DTWD2: variants seen among roughly 807,000 people sequenced by gnomAD.
DTWD2 encodes DTW motif tRNA-uridine aminocarboxypropyltransferase 2.
Under a neutral mutation model 31.8 loss-of-function variants are expected in DTWD2, and 39 were observed. The observed-to-expected ratio is 1.22, with a 90% CI of 0.95 to 1.60. The LOEUF is 1.60. DTWD2 is among the 40% of genes most tolerant of loss of function. The pLI, the probability that DTWD2 is intolerant of heterozygous loss-of-function variation, is 0.00. For missense variants in DTWD2, 515 were observed against 381.5 expected (o/e 1.35, Z -2.92); for synonymous variants, 180 against 142.8 (o/e 1.26, Z -1.86).
At chr5:118,884,773 G>A (rs576453325) in intron 4 of DTWD2, among the ~76,000 whole-genome samples, 50 of 151,322 alleles carry the variant, frequency 3.3e-4, no homozygotes, top group African/African-American at 1.1e-3. Context: ...TTGGGAGGCC[G>A]AGGCAGGAAG....
intron 1 of DTWD2, among the ~76,000 whole-genome samples, chr5:118,957,631 T>A (rs959385753): frequency 6.6e-6 from 1 of 152,154 alleles, no homozygotes; most frequent in Admixed American, 6.6e-5. Flanking sequence ...TTTTTGCGAA[T>A]TGGGCAGCCT....
chr5:118,940,302 A>G (rs1261698603), intron 2 of DTWD2, among the ~76,000 whole-genome samples: 1 of 152,202 alleles, frequency 6.6e-6, no homozygotes, highest in Admixed American at 6.5e-5. Context: ...TCCAATGTTT[A>G]ATACAATGTT....
intron 4 of DTWD2, among the ~76,000 whole-genome samples, chr5:118,912,999 G>C (rs968199996): frequency 2.6e-5 from 4 of 152,132 alleles, no homozygotes; most frequent in African/African-American, 9.7e-5. Context: ...ATAGTTTGCA[G>C]GTATAGTTAG....
intron 1 of DTWD2, among the ~76,000 whole-genome samples, chr5:118,985,073 T>C (rs890878575): frequency 6.6e-6 from 1 of 152,238 alleles, no homozygotes; most frequent in African/African-American, 2.4e-5. Context: ...CTGACATAGT[T>C]TATTTTGCCC....
chr5:118,863,147 C>T (rs1189968712), intron 4 of DTWD2, among the ~76,000 whole-genome samples: 2 of 152,172 alleles, frequency 1.3e-5, no homozygotes, highest in East Asian at 1.9e-4. Flanking sequence ...GTGGACACTG[C>T]GTTACGTTTT....
chr5:118,985,490 T>TATA lies in DTWD2; in HGVS notation c.218+2803_218+2804insTAT, dbSNP rs1755403219. Among the ~76,000 whole-genome samples the TATA allele has an allele frequency of 3.7e-3, 354 of 95,418 alleles. 3 individuals carry two copies. The highest frequency in any genetic ancestry group is 0.011 in the African/African-American group (334 of 29,242). 62.6% of individuals were successfully genotyped at this position (95,418 alleles called of 152,430 possible). On this transcript the variant is annotated intron_variant, in intron 1 of 5. Transcript: ENST00000510708. The stretch of plus-strand genomic sequence containing the variant: ...AAAGACCACATGCTTATGTGCATTT[T>TATA]TATATATATATATATATATATATAT...
At chr5:118,907,113 C>T (rs934931030) in intron 4 of DTWD2, among the ~76,000 whole-genome samples, 1 of 152,140 alleles carries the variant, frequency 6.6e-6, no homozygotes, top group African/African-American at 2.4e-5. Flanking sequence ...AGAAACTATG[C>T]TTAAAGGTAC....
At chr5:118,988,076 A>G (rs1755468524) in intron 1 of DTWD2, 1 of 719,736 alleles carries the variant, frequency 1.4e-6, no homozygotes, top group South Asian at 1.5e-5. Context: ...TACGCTCAGC[A>G]TATTGCAGGA....
chr5:118,883,382 G>A (rs1752786395), intron 4 of DTWD2, among the ~76,000 whole-genome samples: 1 of 152,092 alleles, frequency 6.6e-6, no homozygotes, highest in South Asian at 2.1e-4. Context: ...CCTCCAAACT[G>A]TTCCAACCTC....
chr5:118,973,841 G>T (rs1755058902), intron 1 of DTWD2: 2 of 1,612,334 alleles, frequency 1.2e-6, no homozygotes, highest in Admixed American at 3.3e-5. Flanking sequence ...CACCACCAAG[G>T]ACTTACAGGA....
At position 118,846,719 on chromosome 5, in the gene DTWD2, GAC is replaced by G. The variant is rs536970276; in HGVS notation, c.726+1369_726+1370del. Among the ~76,000 whole-genome samples the G allele has an allele frequency of 7.9e-4, 120 of 152,206 alleles. 1 individual carries two copies. The highest frequency in any genetic ancestry group is 2.5e-3 in the African/African-American group (104 of 41,532). On this transcript the variant is annotated intron_variant, in intron 5 of 5. Coordinates refer to ENST00000510708, the MANE Select transcript of DTWD2 (RefSeq NM_173666.4). ...GAGATGATGGTAAATAAAACAGAAA[GAC>G]ACATATGGGGTATATAAAGTACTAT...
chr5:118,962,100 T>C (rs914538364), intron 1 of DTWD2, among the ~76,000 whole-genome samples: 2 of 152,010 alleles, frequency 1.3e-5, no homozygotes, highest in African/African-American at 4.8e-5. Context: ...TAGCTGGGCA[T>C]GGTGGTGCAT....
intron 4 of DTWD2, among the ~76,000 whole-genome samples, chr5:118,852,134 T>C (rs538268285): frequency 6.6e-6 from 1 of 152,326 alleles, no homozygotes; most frequent in South Asian, 2.1e-4. Flanking sequence ...ATAGGCTCTC[T>C]GCAAGAAGAA....
intron 4 of DTWD2, among the ~76,000 whole-genome samples, chr5:118,861,212 T>C (rs1322159242): frequency 6.6e-6 from 1 of 152,248 alleles, no homozygotes; most frequent in Non-Finnish European, 1.5e-5. Context: ...ATGCAGTTTT[T>C]ATTGGTGGGT....
At chr5:118,910,065 A>G (rs1753423759) in intron 4 of DTWD2, among the ~76,000 whole-genome samples, 1 of 152,108 alleles carries the variant, frequency 6.6e-6, no homozygotes, top group South Asian at 2.1e-4. Context: ...TCTCCTTATA[A>G]CATGTGAACA....
chr5:118,855,966 A>G (rs1422969507), intron 4 of DTWD2, among the ~76,000 whole-genome samples: 4 of 152,158 alleles, frequency 2.6e-5, no homozygotes, highest in Non-Finnish European at 4.4e-5. Context: ...AGGAAGTATA[A>G]GACTAAAACT....
At chr5:118,841,526 C>T (rs1030822848) in intron 5 of DTWD2, among the ~76,000 whole-genome samples, 2 of 152,146 alleles carry the variant, frequency 1.3e-5, no homozygotes, top group Non-Finnish European at 2.9e-5. Context: ...TAGATGATGG[C>T]AGCAATGGGT....
Position 118,839,992 on chromosome 5 carries a change from T to G in DTWD2, c.*925A>C, listed in dbSNP as rs1422206741. On this transcript the variant is annotated 3_prime_UTR_variant, in exon 6 of 6. Coordinates refer to ENST00000510708, the MANE Select transcript of DTWD2 (RefSeq NM_173666.4). ...AATCCCCTCTTCCTGCCAAAATGTGTACATAATTGCAGTAGACTTGTGCTG... is the reference window on the plus strand; with the variant it reads ...AATCCCCTCTTCCTGCCAAAATGTGGACATAATTGCAGTAGACTTGTGCTG... 1 of 152,186 alleles carries G rather than the reference T, an allele frequency of 6.6e-6. No homozygotes were observed. 9.4% of individuals were successfully genotyped at this position (152,186 alleles called of 1,614,324 possible).
intron 4 of DTWD2, among the ~76,000 whole-genome samples, chr5:118,850,517 C>G (rs1158907560): frequency 9.4e-6 from 1 of 106,690 alleles, no homozygotes; most frequent in Non-Finnish European, 2.0e-5. Context: ...AAAATTAATT[C>G]AAGATGGATT....
Sources: allele counts gnomAD v4.1 joint callset (sites outside exome capture counted in the v4.1 genomes callset), GRCh38; gene constraint gnomAD v4.1.1; transcripts MANE v1.5; gene names NCBI Gene and HGNC (gene_info 2026-07-23, HGNC 2026-07-21).